The following MEGF6 variants were observed in gnomAD, a reference collection of about 807,000 sequenced individuals.
MEGF6 encodes the protein multiple EGF like domains 6, also known as multiple epidermal growth factor-like domains protein 6.
A neutral mutation model predicts 207.1 loss-of-function variants in MEGF6; 184 were observed. The observed-to-expected ratio is 0.89, with a 90% CI of 0.79 to 1.00. The LOEUF (loss-of-function observed/expected upper bound fraction) is 1.00. Ranked by LOEUF, MEGF6 falls within the 50% of genes least tolerant of loss-of-function variation. MEGF6 has a pLI of 0.00. For missense variants in MEGF6, 2,282 were observed against 2,202.9 expected (o/e 1.04, Z -0.72); for synonymous variants, 1,038 against 910.0 (o/e 1.14, Z -2.53).
At chr1:3,546,280 G>A (rs1440554523) in intron 4 of MEGF6, among the ~76,000 whole-genome samples, 2 of 152,236 alleles carry the variant, frequency 1.3e-5, no homozygotes, top group South Asian at 2.1e-4. Flanking sequence ...CAGCCTGCCA[G>A]CCATGGTGGG....
Position 3,556,639 on chromosome 1 carries a change from G to A in MEGF6, c.481+23186C>T, listed in dbSNP as rs12748220. 6.6e-6 allele frequency among the ~76,000 whole-genome samples: 1 copy of A among 152,144 alleles called. No homozygotes were observed. Among genetic ancestry groups the A allele is most frequent in the Non-Finnish European group, 1.5e-5 (1 of 68,028 alleles). On this transcript the variant is annotated intron_variant, in intron 4 of 36. Coordinates refer to ENST00000356575, the MANE Select transcript of MEGF6 (RefSeq NM_001409.4). This position sits in a 1 kb window ranked among gnomAD's most constrained non-coding sequence, Gnocchi z 4.4. ...CCTGAGGCCGGGACACACTGGAGAC[G>A]AATAGGACTGACCACCAAGCAGACT...
chr1:3,494,283 A>G, intron 32 of MEGF6, 88 bp downstream of exon 32: 4 of 1,473,588 alleles, frequency 2.7e-6, no homozygotes, highest in Non-Finnish European at 3.6e-6. Flanking sequence ...CCTCCCCACC[A>G]CTTCACTGCT....
chr1:3,530,874 C>A (rs1226511400), intron 4 of MEGF6, among the ~76,000 whole-genome samples: 1 of 152,238 alleles, frequency 6.6e-6, no homozygotes, highest in African/African-American at 2.4e-5. Flanking sequence ...TGCCGACAGC[C>A]CTGAGAGGGG....
chr1:3,535,489 C>T (rs553669333), intron 4 of MEGF6, among the ~76,000 whole-genome samples: 235 of 152,230 alleles, frequency 1.5e-3, no homozygotes, highest in Middle Eastern at 6.8e-3. Flanking sequence ...TGGTCCTCCA[C>T]ACAGACCACC....
rs911682671 is a variant in MEGF6 at position 3,498,583 on chromosome 1, G to A, written c.3224-84C>T. The A allele has an allele frequency of 1.0e-4, 153 of 1,487,764 alleles. 1 individual carries two copies. Among genetic ancestry groups the A allele is most frequent in the Middle Eastern group, 1.8e-4 (1 of 5,598 alleles). 92.2% of individuals were successfully genotyped at this position (1,487,764 alleles called of 1,614,324 possible). On this transcript the variant is annotated intron_variant, in intron 25 of 36. Coordinates refer to ENST00000356575, the MANE Select transcript of MEGF6 (RefSeq NM_001409.4). ...CTGACCCATGCTTCCTGCACGCAGAGCTGAAGCCTACACCCCAGGGCGCTG... is the reference window on the plus strand; with the variant it reads ...CTGACCCATGCTTCCTGCACGCAGAACTGAAGCCTACACCCCAGGGCGCTG...
At chr1:3,615,196 G>GA (rs1198859808), upstream of MEGF6, among the ~76,000 whole-genome samples, 3 of 152,188 alleles carry the variant, frequency 2.0e-5, no homozygotes, top group Non-Finnish European at 4.4e-5. Flanking sequence ...TATGCATGGA[G>GA]AAAAAAGGAC....
At chr1:3,576,985 A>AGCCCTGCACACTCCACCCCTGCACACCTG (rs1458198610) in intron 4 of MEGF6, among the ~76,000 whole-genome samples, 81 of 127,642 alleles carry the variant, frequency 6.3e-4, no homozygotes, top group African/African-American at 2.6e-3. Flanking sequence ...CTGCATGCCC[A>AGCCCTGCACACTCCACCCCTGCACACCTG]GCCCTGCACA....
At chr1:3,540,491 G>A (rs1025058086) in intron 4 of MEGF6, among the ~76,000 whole-genome samples, 6 of 152,230 alleles carry the variant, frequency 3.9e-5, no homozygotes, top group Admixed American at 6.5e-5. Context: ...GCCCATGGGC[G>A]AGGGATGCTG....
At chr1:3,604,052 C>T (rs1644204198) in intron 1 of MEGF6, among the ~76,000 whole-genome samples, 1 of 152,190 alleles carries the variant, frequency 6.6e-6, no homozygotes, top group African/African-American at 2.4e-5. Flanking sequence ...AGGGGCTCCA[C>T]CAGGCTGCTG....
chr1:3,496,946 G>A, intron 28 of MEGF6, 42 bp downstream of exon 28: 1 of 1,541,934 alleles, frequency 6.5e-7, no homozygotes, highest in Non-Finnish European at 8.7e-7. Context: ...AGCACGCCAG[G>A]CAGCACTGCC....
At chr1:3,564,340 C>A (rs902701766) in intron 4 of MEGF6, among the ~76,000 whole-genome samples, 2 of 151,292 alleles carry the variant, frequency 1.3e-5, no homozygotes, top group Admixed American at 6.6e-5. Context: ...ACTGCCTGGA[C>A]AAACAGCTAC....
At chr1:3,525,537 A>AGG (rs1641929655) in intron 4 of MEGF6, among the ~76,000 whole-genome samples, 2 of 152,248 alleles carry the variant, frequency 1.3e-5, no homozygotes, top group South Asian at 4.1e-4. Flanking sequence ...GAGAGCAGGG[A>AGG]GGGATCCAAG....
At chr1:3,554,970 G>T (rs761140460) in intron 4 of MEGF6, among the ~76,000 whole-genome samples, 18 of 152,234 alleles carry the variant, frequency 1.2e-4, no homozygotes, top group Non-Finnish European at 2.1e-4. Context: ...AAAAGACAGG[G>T]CGGCTGGCAG....
At chr1:3,557,972 G>A (rs969593142) in intron 4 of MEGF6, among the ~76,000 whole-genome samples, 1 of 152,170 alleles carries the variant, frequency 6.6e-6, no homozygotes, top group East Asian at 1.9e-4. Context: ...CTGTGTAAAG[G>A]AGCCACACAG....
rs151032516 is a variant in MEGF6, at chr1:3,516,442, C to T, written c.605-915G>A. Among the ~76,000 whole-genome samples, 653 of 152,294 alleles carry T rather than the reference C, an allele frequency of 4.3e-3. 4 individuals are homozygous for T. The highest frequency in any genetic ancestry group is 0.015 in the African/African-American group (627 of 41,566). On this transcript the variant is annotated intron_variant, in intron 5 of 36. Coordinates refer to ENST00000356575, the MANE Select transcript of MEGF6 (RefSeq NM_001409.4). Reference sequence around the variant, plus strand: ...TTGCCTGTGCCCGGGCAGGGGAGGCCGTCTGCCCAGGCCTGTGCCCAGAGC... The same window carrying T: ...TTGCCTGTGCCCGGGCAGGGGAGGCTGTCTGCCCAGGCCTGTGCCCAGAGC...
At chr1:3,576,235 T>C (rs1465921777) in intron 4 of MEGF6, among the ~76,000 whole-genome samples, 1 of 152,226 alleles carries the variant, frequency 6.6e-6, no homozygotes, top group Non-Finnish European at 1.5e-5. Flanking sequence ...CTCCCGCTGC[T>C]TCTGCGGAAG....
intron 34 of MEGF6, 148 bp from the exon 35 acceptor site, chr1:3,492,915 C>T (rs1003680255): frequency 2.0e-5 from 22 of 1,115,158 alleles, no homozygotes; most frequent in African/African-American, 7.9e-5. Flanking sequence ...CCTTGGGCCT[C>T]GGTTTCCCCT....
rs962060023 is a variant in MEGF6, at chr1:3,560,879, G to A, written c.481+18946C>T. 3.2e-5 allele frequency: 14 copies of A among 441,982 alleles called. No individual in the cohort carries two copies. The highest frequency in any genetic ancestry group is 6.9e-4 in the Middle Eastern group (1 of 1,440). The allele number at this position is 441,982 out of a possible 1,614,324, so 27.4% of individuals were successfully genotyped here. On this transcript the variant is annotated intron_variant, in intron 4 of 36. Coordinates refer to ENST00000356575, the MANE Select transcript of MEGF6 (RefSeq NM_001409.4). This position sits in a 1 kb window ranked among gnomAD's most constrained non-coding sequence, Gnocchi z 4.0. ...TGGCTGGTCCCCCAGGTCTCTACGC[G>A]AAGGGGGTGCTGGGCTCTACCCCCA...
At chr1:3,520,726 C>T (rs994036580) in intron 5 of MEGF6, among the ~76,000 whole-genome samples, 2 of 152,182 alleles carry the variant, frequency 1.3e-5, no homozygotes, top group African/African-American at 4.8e-5. Context: ...TAGATTCTCG[C>T]TTTTGAGAGG....
Sources: gnomAD v4.1 joint callset for allele counts (sites outside exome capture counted in the v4.1 genomes callset) on GRCh38, gnomAD v4.1.1 for gene constraint, Gnocchi (gnomAD v3.1) non-coding constraint, MANE v1.5 for transcripts, NCBI Gene and HGNC (gene_info 2026-07-23, HGNC 2026-07-21) for gene names.